GRB10: variants seen among roughly 807,000 people sequenced by gnomAD.
The protein encoded by GRB10 is growth factor receptor-bound protein 10.
A neutral mutation model predicts 80.9 loss-of-function variants in GRB10; 20 were observed. The observed-to-expected ratio is 0.25, with a 90% CI of 0.17 to 0.36. The LOEUF (loss-of-function observed/expected upper bound fraction) is 0.36, where lower values mean the gene tolerates loss of function less well. Ranked by LOEUF, GRB10 falls within the 10% of genes least tolerant of loss-of-function variation. GRB10 has a pLI of 1.00. For missense variants in GRB10, 548 were observed against 747.7 expected (o/e 0.73, Z 3.12); for synonymous variants, 291 against 291.5 (o/e 1.00, Z 0.02).
chr7:50,691,199 T>C (rs760424574), intron 5 of GRB10, among the ~76,000 whole-genome samples: 2 of 152,130 alleles, frequency 1.3e-5, no homozygotes, highest in African/African-American at 2.4e-5. Context: ...ATCCCTACAG[T>C]TGAAATCTTG....
intron 16 of GRB10, 78 bp from the exon 17 acceptor site, chr7:50,604,163 G>A: frequency 2.2e-6 from 3 of 1,349,020 alleles, no homozygotes; most frequent in Non-Finnish European, 3.2e-6. Flanking sequence ...AACCAACTCT[G>A]ATCAACTCAG....
At chr7:50,720,834 C>T (rs887323253) in intron 4 of GRB10, among the ~76,000 whole-genome samples, 8 of 151,426 alleles carry the variant, frequency 5.3e-5, no homozygotes, top group African/African-American at 1.7e-4. Context: ...GTATTTACTG[C>T]TTGTTTAAAA....
At chr7:50,615,151 C>T (rs1309151082) in intron 11 of GRB10, among the ~76,000 whole-genome samples, 3 of 152,142 alleles carry the variant, frequency 2.0e-5, no homozygotes, top group African/African-American at 4.8e-5. Context: ...AGCCCCATGA[C>T]CGGATATTCA....
intron 15 of GRB10, chr7:50,604,817 CT>C (rs1284518086): frequency 1.7e-5 from 5 of 302,028 alleles, no homozygotes; most frequent in Non-Finnish European, 3.1e-5. Flanking sequence ...TGCACATGGC[CT>C]TTAAGTCTCA....
At chr7:50,678,642 G>A (rs1002470437) in intron 5 of GRB10, among the ~76,000 whole-genome samples, 1 of 152,120 alleles carries the variant, frequency 6.6e-6, no homozygotes, top group African/African-American at 2.4e-5. Context: ...TGATTCAAAA[G>A]AAGACAATTT....
chr7:50,790,490 C>G (rs184145594), intron 1 of GRB10, among the ~76,000 whole-genome samples: 19 of 152,354 alleles, frequency 1.2e-4, no homozygotes, highest in African/African-American at 4.3e-4. Flanking sequence ...TCCTCACAAG[C>G]CATACAATGC....
At chr7:50,599,441 T>C (rs1194877366) in intron 17 of GRB10, among the ~76,000 whole-genome samples, 1 of 152,174 alleles carries the variant, frequency 6.6e-6, no homozygotes, top group Non-Finnish European at 1.5e-5. Context: ...TTATTTACCT[T>C]GTTATACAAA....
In GRB10 at chr7:50,623,487, G is replaced by A. The variant is rs543849352; in HGVS notation, c.661+3335C>T. Among the ~76,000 whole-genome samples the A allele has an allele frequency of 5.9e-5, 9 of 152,312 alleles. No individual in the cohort carries two copies. In the South Asian group the frequency reaches 8.3e-4, roughly 14 times the overall value. On this transcript the variant is annotated intron_variant, in intron 8 of 18. Coordinates refer to ENST00000401949, the MANE Select transcript of GRB10 (RefSeq NM_001350814.2). The stretch of plus-strand genomic sequence containing the variant: ...TGCTTATCCACAAGCGCAGCACAGA[G>A]CGGGCAGGAAAAACCACCCTCAGCG...
intron 7 of GRB10, among the ~76,000 whole-genome samples, chr7:50,628,175 A>G (rs2053321462): frequency 6.6e-6 from 1 of 152,218 alleles, no homozygotes; most frequent in Non-Finnish European, 1.5e-5. Flanking sequence ...AGAGGCTGAA[A>G]CACGTGCGTT....
chr7:50,688,368 G>A (rs2062361005), intron 5 of GRB10, among the ~76,000 whole-genome samples: 1 of 152,158 alleles, frequency 6.6e-6, no homozygotes, highest in Non-Finnish European at 1.5e-5. Flanking sequence ...AAGCCACAGG[G>A]GATACCAAAG....
chr7:50,645,603 A>G (rs1314523886), intron 7 of GRB10: 1 of 985,120 alleles, frequency 1.0e-6, no homozygotes, highest in African/African-American at 1.7e-5. Flanking sequence ...TCTTACCCCC[A>G]TCCTCCAATC....
rs2153714284 is a variant in GRB10 at position 50,782,629 on chromosome 7, G to A, written c.-532C>T. ...CGCAGAAAACCGACCCGGGGCCTCG[G>A]GGCCACCGCGCGCCAGGCGAACGCG... On this transcript the variant is annotated 5_prime_UTR_variant, in exon 1 of 19. Transcript: ENST00000401949. This position sits in a 1 kb window ranked among gnomAD's most constrained non-coding sequence, Gnocchi z 6.6. 1 of 151,604 alleles carries A rather than the reference G, an allele frequency of 6.6e-6. No homozygotes were observed. The highest frequency in any genetic ancestry group is 1.9e-4 in the East Asian group (1 of 5,140). 9.4% of individuals were successfully genotyped at this position (151,604 alleles called of 1,614,324 possible).
intron 4 of GRB10, among the ~76,000 whole-genome samples, chr7:50,721,472 G>A (rs1299856299): frequency 1.3e-5 from 2 of 152,236 alleles, no homozygotes. Context: ...CTGAATAACA[G>A]CGCCAAAGTG....
intron 2 of GRB10, among the ~76,000 whole-genome samples, chr7:50,763,802 G>A (rs1018956954): frequency 3.3e-5 from 5 of 152,164 alleles, no homozygotes; most frequent in Non-Finnish European, 5.9e-5. Flanking sequence ...CCAACTCCAG[G>A]CCTCTGCCCC....
intron 2 of GRB10, among the ~76,000 whole-genome samples, chr7:50,764,229 C>T (rs1044443995): frequency 4.6e-5 from 7 of 152,216 alleles, no homozygotes; most frequent in South Asian, 4.1e-4. Flanking sequence ...GGGATCAGGC[C>T]GCCTGACCCA....
At chr7:50,615,055 C>T (rs1046697132) in intron 11 of GRB10, among the ~76,000 whole-genome samples, 175 bp from the exon 12 acceptor site, 8 of 152,164 alleles carry the variant, frequency 5.3e-5, no homozygotes, top group African/African-American at 1.9e-4. Flanking sequence ...AAACCAAATT[C>T]ACCCAGTCTC....
chr7:50,659,428 C>T (rs1013195337), intron 7 of GRB10, among the ~76,000 whole-genome samples: 1 of 152,154 alleles, frequency 6.6e-6, no homozygotes, highest in African/African-American at 2.4e-5. Flanking sequence ...GCCAAGCCCC[C>T]CTTTGAAAAA....
intron 3 of GRB10, among the ~76,000 whole-genome samples, chr7:50,738,040 G>C (rs892440418): frequency 2.0e-5 from 3 of 152,170 alleles, no homozygotes; most frequent in Admixed American, 6.5e-5. Context: ...CTAGTCGTTA[G>C]GGAAATGCAA....
chr7:50,615,913 T>C (rs1416100418), intron 11 of GRB10, among the ~76,000 whole-genome samples: 2 of 152,234 alleles, frequency 1.3e-5, no homozygotes, highest in Non-Finnish European at 2.9e-5. Flanking sequence ...TTATGAGAAC[T>C]AGGCCAGTCT....
Sources: allele counts gnomAD v4.1 joint callset (sites outside exome capture counted in the v4.1 genomes callset), GRCh38; gene constraint gnomAD v4.1.1; non-coding constraint Gnocchi (gnomAD v3.1); transcripts MANE v1.5; gene names NCBI Gene and HGNC (gene_info 2026-07-23, HGNC 2026-07-21).